KSR2: variants seen among roughly 807,000 people sequenced by gnomAD.
The protein encoded by KSR2 is kinase suppressor of ras 2.
Under a neutral mutation model 107.8 loss-of-function variants are expected in KSR2, and 25 were observed. The ratio of observed to expected loss-of-function variants is 0.23; its 90% CI spans 0.17 to 0.32. The LOEUF (loss-of-function observed/expected upper bound fraction) is 0.32, where lower values mean the gene tolerates loss of function less well. Ranked by LOEUF, KSR2 falls within the 10% of genes least tolerant of loss-of-function variation. The pLI is 1.00. For synonymous variants in KSR2, 480 were observed against 507.0 expected (o/e 0.95, Z 0.71); for missense variants, 887 against 1,268.9 (o/e 0.70, Z 4.57).
chr12:117,669,285 A>G (rs1593112098), intron 4 of KSR2, among the ~76,000 whole-genome samples: 1 of 152,228 alleles, frequency 6.6e-6, no homozygotes, highest in South Asian at 2.1e-4. Flanking sequence ...GCAAGTATCC[A>G]TCAGAGTTAA....
intron 7 of KSR2, among the ~76,000 whole-genome samples, chr12:117,568,507 T>G (rs1248573510): frequency 6.6e-6 from 1 of 152,162 alleles, no homozygotes; most frequent in Non-Finnish European, 1.5e-5. Flanking sequence ...ATCGTGAATC[T>G]GAGCGATCAG....
At chr12:117,702,271 C>A (rs1684092005) in intron 4 of KSR2, among the ~76,000 whole-genome samples, 3 of 152,188 alleles carry the variant, frequency 2.0e-5, no homozygotes, top group African/African-American at 7.2e-5. Context: ...GCGTTGGTAG[C>A]CTTTGTCAGT....
intron 5 of KSR2, among the ~76,000 whole-genome samples, chr12:117,665,208 T>C (rs1290649414): frequency 6.6e-6 from 1 of 152,116 alleles, no homozygotes; most frequent in Admixed American, 6.5e-5. Flanking sequence ...CACCTTTTAA[T>C]TAAGGACTTT....
intron 8 of KSR2, among the ~76,000 whole-genome samples, chr12:117,557,272 A>T (rs1259967668): frequency 6.6e-6 from 1 of 152,192 alleles, no homozygotes; most frequent in Non-Finnish European, 1.5e-5. Context: ...ACATAGCTGG[A>T]GTGGCTGGCT....
At position 117,455,189 on chromosome 12, in the gene KSR2, C is replaced by G. The variant is rs1870553522; in HGVS notation, c.*12010G>C. The G allele has an allele frequency of 6.6e-6, 1 of 152,322 alleles. No individual in the cohort carries two copies. The highest frequency in any genetic ancestry group is 1.5e-5 in the Non-Finnish European group (1 of 68,146). The allele number at this position is 152,322 out of a possible 1,614,324, so 9.4% of individuals were successfully genotyped here. On this transcript the variant is annotated 3_prime_UTR_variant, in exon 20 of 20. Coordinates refer to ENST00000339824, the MANE Select transcript of KSR2 (RefSeq NM_173598.6). ...TTCCCCCACAGGACACCAAGGCTAACAGTAGGAACCAGAGCATGCTGGGGA... is the reference window on the plus strand; with the variant it reads ...TTCCCCCACAGGACACCAAGGCTAAGAGTAGGAACCAGAGCATGCTGGGGA...
intron 5 of KSR2, among the ~76,000 whole-genome samples, chr12:117,663,302 T>C (rs900898455): frequency 6.6e-6 from 1 of 152,200 alleles, no homozygotes; most frequent in Non-Finnish European, 1.5e-5. Context: ...TTGGGCCAAC[T>C]GCTTAAACTC....
intron 5 of KSR2, among the ~76,000 whole-genome samples, chr12:117,652,166 G>A (rs888067249): frequency 9.2e-5 from 14 of 152,152 alleles, no homozygotes; most frequent in African/African-American, 1.7e-4. Flanking sequence ...GGGGCAGTGT[G>A]GGAGGGGGGC....
intron 4 of KSR2, among the ~76,000 whole-genome samples, chr12:117,722,496 C>T (rs1887251359): frequency 6.6e-6 from 1 of 152,194 alleles, no homozygotes; most frequent in Non-Finnish European, 1.5e-5. Flanking sequence ...CAAAACCCAT[C>T]AAAACCAAGA....
chr12:117,737,014 T>C (rs867071869), intron 4 of KSR2, among the ~76,000 whole-genome samples: 3 of 152,314 alleles, frequency 2.0e-5, no homozygotes, highest in African/African-American at 7.2e-5. Context: ...TCCCAGCCTG[T>C]TATCCAACGA....
At chr12:117,883,921 A>AGG (rs1894101088) in intron 1 of KSR2, among the ~76,000 whole-genome samples, 1 of 151,624 alleles carries the variant, frequency 6.6e-6, no homozygotes, top group Non-Finnish European at 1.5e-5. Flanking sequence ...AAGCAGAGAC[A>AGG]GGGGCTGGGT....
chr12:117,792,152 A>G (rs1307289768), intron 3 of KSR2, among the ~76,000 whole-genome samples: 1 of 150,724 alleles, frequency 6.6e-6, no homozygotes, highest in Non-Finnish European at 1.5e-5. Flanking sequence ...AGCCCGGACA[A>G]CATGGTGAGA....
At chr12:117,521,935 C>T (rs74879244) in intron 14 of KSR2, among the ~76,000 whole-genome samples, 1 of 152,320 alleles carries the variant, frequency 6.6e-6, no homozygotes, top group South Asian at 2.1e-4. Context: ...ATGCACAGAG[C>T]CCCTCCCTAA....
chr12:117,952,926 C>T (rs1241405610), intron 1 of KSR2, among the ~76,000 whole-genome samples: 1 of 142,504 alleles, frequency 7.0e-6, no homozygotes, highest in African/African-American at 2.6e-5. Flanking sequence ...CAGAGGTTGC[C>T]GTTAGCCAAG....
intron 9 of KSR2, among the ~76,000 whole-genome samples, chr12:117,553,025 G>A (rs149428452): frequency 1.3e-5 from 2 of 152,358 alleles, no homozygotes; most frequent in African/African-American, 4.8e-5. Context: ...ACGCCACTAA[G>A]TTTGGGTGGT....
chr12:117,936,524 T>TAGTAG lies in KSR2; in HGVS notation c.180+31551_180+31552insCTACT, dbSNP rs1566089563. ...CATTATTATTATTTTATTATTATTA[T>TAGTAG]TATTATTATTAGTAGTAGTAGTAGT... On this transcript the variant is annotated intron_variant, in intron 1 of 19. Transcript: ENST00000339824. 5.6e-3 allele frequency among the ~76,000 whole-genome samples: 524 copies of TAGTAG among 93,772 alleles called. 1 individual carries two copies. The highest frequency in any genetic ancestry group is 9.9e-3 in the Admixed American group (98 of 9,896). 61.5% of individuals were successfully genotyped at this position (93,772 alleles called of 152,430 possible). A position where few individuals can be genotyped will look rare whatever the true frequency, so the allele number is the denominator to read the frequency against.
At chr12:117,573,895 G>A (rs912257774) in intron 7 of KSR2, among the ~76,000 whole-genome samples, 1 of 152,176 alleles carries the variant, frequency 6.6e-6, no homozygotes, top group Non-Finnish European at 1.5e-5. Flanking sequence ...CTGGGGAGAT[G>A]ATGATGAAAA....
At chr12:117,531,146 C>T (rs1875604366) in intron 11 of KSR2, 133 bp from the exon 12 acceptor site, 1 of 747,380 alleles carries the variant, frequency 1.3e-6, no homozygotes, top group Non-Finnish European at 2.4e-6. Context: ...AATCTCCTTT[C>T]TCCTTTCCTG....
chr12:117,708,152 T>A (rs1886603627), intron 4 of KSR2, among the ~76,000 whole-genome samples: 1 of 152,188 alleles, frequency 6.6e-6, no homozygotes, highest in South Asian at 2.1e-4. Context: ...GGTATGACAG[T>A]TTGGCAAAAT....
At chr12:117,634,899 C>A (rs1882989904) in intron 5 of KSR2, among the ~76,000 whole-genome samples, 1 of 152,162 alleles carries the variant, frequency 6.6e-6, no homozygotes, top group African/African-American at 2.4e-5. Flanking sequence ...GAGAAGTTAT[C>A]CAGCCTAAGC....
Sources: allele counts gnomAD v4.1 joint callset (sites outside exome capture counted in the v4.1 genomes callset), GRCh38; gene constraint gnomAD v4.1.1; transcripts MANE v1.5; gene names NCBI Gene and HGNC (gene_info 2026-07-23, HGNC 2026-07-21).